ANXA10: variants seen among roughly 807,000 people sequenced by gnomAD.
The protein encoded by ANXA10 is annexin A10.
A neutral mutation model predicts 53.5 loss-of-function variants in ANXA10; 49 were observed. The ratio of observed to expected loss-of-function variants is 0.92; its 90% CI spans 0.73 to 1.16. The LOEUF (loss-of-function observed/expected upper bound fraction) is 1.16. ANXA10 is among the 50% of genes most tolerant of loss of function. The pLI, the probability that ANXA10 is intolerant of heterozygous loss-of-function variation, is 0.00. For synonymous variants in ANXA10, 131 were observed against 128.9 expected, an observed-to-expected ratio of 1.02 and a Z score of -0.11; for missense variants, 393 against 394.4, an observed-to-expected ratio of 1.00 and a Z score of 0.03.
intron 3 of ANXA10, among the ~76,000 whole-genome samples, chr4:168,161,004 T>A (rs1731774125): frequency 6.6e-6 from 1 of 152,194 alleles, no homozygotes; most frequent in African/African-American, 2.4e-5. Flanking sequence ...TCCCATTCTA[T>A]AGGCTGTCTG....
At chr4:168,157,519 C>A (rs974352618) in intron 3 of ANXA10, among the ~76,000 whole-genome samples, 1 of 152,166 alleles carries the variant, frequency 6.6e-6, no homozygotes, top group South Asian at 2.1e-4. Flanking sequence ...CTGTCTCAGC[C>A]TCCCAAAGTC....
At chr4:168,137,363 A>G (rs1314585736) in intron 2 of ANXA10, among the ~76,000 whole-genome samples, 1 of 152,244 alleles carries the variant, frequency 6.6e-6, no homozygotes, top group East Asian at 1.9e-4. Flanking sequence ...CTGTGCTTTT[A>G]GTGTACCCAT....
At chr4:168,095,788 T>C (rs72691155) in intron 1 of ANXA10, among the ~76,000 whole-genome samples, 34,353 of 152,040 alleles carry the variant, frequency 0.23, 4,121 homozygotes, top group East Asian at 0.35. Context: ...AGGTGACAGA[T>C]ACAGAGGATT....
intron 1 of ANXA10, among the ~76,000 whole-genome samples, chr4:168,093,015 T>C (rs1730484324): frequency 6.6e-6 from 1 of 152,150 alleles, no homozygotes; most frequent in African/African-American, 2.4e-5. Flanking sequence ...GATTTGAGCA[T>C]ACCTAAGAAT....
At chr4:168,106,834 T>C (rs1579201763) in intron 1 of ANXA10, among the ~76,000 whole-genome samples, 2 of 152,312 alleles carry the variant, frequency 1.3e-5, no homozygotes, top group East Asian at 3.9e-4. Flanking sequence ...TTTGCTCCAG[T>C]TTGTCACTTA....
At chr4:168,099,516 C>G (rs1270198398) in intron 1 of ANXA10, among the ~76,000 whole-genome samples, 1 of 151,988 alleles carries the variant, frequency 6.6e-6, no homozygotes, top group East Asian at 1.9e-4. Context: ...ATTCATGAAC[C>G]CTCAGTGAAA....
At chr4:168,180,007 G>A (rs574336) in intron 9 of ANXA10, among the ~76,000 whole-genome samples, 4 of 151,938 alleles carry the variant, frequency 2.6e-5, no homozygotes, top group African/African-American at 7.3e-5. Context: ...CATCGAAGGC[G>A]TAGTCAAGTA....
rs1287930774 is a variant in ANXA10 at position 168,156,118 on chromosome 4, T to TA, written c.196-6410_196-6409insA. Among the ~76,000 whole-genome samples the TA allele has an allele frequency of 5.8e-3, 248 of 42,594 alleles. 2 individuals are homozygous for TA. The highest frequency in any genetic ancestry group is 0.025 in the African/African-American group (212 of 8,552). 27.9% of individuals were successfully genotyped at this position (42,594 alleles called of 152,430 possible). A position where few individuals can be genotyped will look rare whatever the true frequency, so the allele number is the denominator to read the frequency against. On this transcript the variant is annotated intron_variant, in intron 3 of 11. Transcript: ENST00000359299. ...TATTATATATAAATATTATATTTAT[T>TA]TATATTTATATATATTATATATAAA...
At chr4:168,092,862 C>T (rs996323238) in intron 1 of ANXA10, 144 bp downstream of exon 1, 26 of 618,668 alleles carry the variant, frequency 4.2e-5, no homozygotes, top group Non-Finnish European at 5.8e-5. Context: ...TATTTTATGC[C>T]CATTTTTTGA....
chr4:168,148,988 T>C (rs1731450862), intron 3 of ANXA10, among the ~76,000 whole-genome samples: 1 of 152,176 alleles, frequency 6.6e-6, no homozygotes. Flanking sequence ...CTGGCCCTTA[T>C]CGACACTTCT....
At position 168,155,740 on chromosome 4, in the gene ANXA10, CATATA is replaced by C. The variant is rs1262843734; in HGVS notation, c.196-6787_196-6783del. Reference sequence around the variant, plus strand: ...TTATATAATATAATATATGATATATCATATATTATATATTATATAATATATGATAT... The same window carrying C: ...TTATATAATATAATATATGATATATCTTATATATTATATAATATATGATAT... On this transcript the variant is annotated intron_variant, in intron 3 of 11. Transcript: ENST00000359299. 1.3e-4 allele frequency among the ~76,000 whole-genome samples: 4 copies of C among 30,508 alleles called. 1 individual carries two copies. The highest frequency in any genetic ancestry group is 1.6e-4 in the Non-Finnish European group (3 of 18,536). 20.0% of individuals were successfully genotyped at this position (30,508 alleles called of 152,430 possible).
intron 1 of ANXA10, among the ~76,000 whole-genome samples, chr4:168,113,862 T>A (rs1377424373): frequency 6.6e-6 from 1 of 152,228 alleles, no homozygotes; most frequent in African/African-American, 2.4e-5. Flanking sequence ...TTTATTCAGC[T>A]TTCATTTGGT....
At chr4:168,165,443 T>C (rs1044115527) in intron 6 of ANXA10, 117 bp downstream of exon 6, 6 of 467,206 alleles carry the variant, frequency 1.3e-5, no homozygotes, top group Admixed American at 8.4e-5. Context: ...AGTTCAATAG[T>C]AAATTCTGTG....
At chr4:168,141,863 C>T (rs577314085) in intron 3 of ANXA10, among the ~76,000 whole-genome samples, 1 of 152,084 alleles carries the variant, frequency 6.6e-6, no homozygotes, top group Admixed American at 6.6e-5. Flanking sequence ...TAAGCCCTTG[C>T]CTTTTCCCTG....
intron 6 of ANXA10, among the ~76,000 whole-genome samples, chr4:168,175,983 T>C (rs868035422): frequency 6.7e-6 from 1 of 149,534 alleles, no homozygotes; most frequent in African/African-American, 2.5e-5. Context: ...CTTTGAATAG[T>C]GAATGTGGGT....
chr4:168,109,228 A>G (rs1730763656), intron 1 of ANXA10, among the ~76,000 whole-genome samples: 1 of 152,202 alleles, frequency 6.6e-6, no homozygotes, highest in African/African-American at 2.4e-5. Context: ...AGATCAATGT[A>G]TGTTTGGTGC....
At position 168,181,717 on chromosome 4, in the gene ANXA10, T is replaced by G; in HGVS notation, c.759T>G (p.Ala253=). ...TTCGAGACAAACCAGCCTATTTTGC[T>G]TATAGATTATATAGTGCAATTCATG... ...LCVRDKPAYF[A]YRLYSAIHDF... is the part of the protein sequence containing the mutation. Residue 253 remains alanine, a synonymous_variant, in exon 10 of 12, where the codon GCT becomes GCG. Coordinates refer to ENST00000359299, the MANE Select transcript of ANXA10 (RefSeq NM_007193.5). 1 of 1,601,944 alleles carries G rather than the reference T, an allele frequency of 6.2e-7. No homozygotes were observed. Among genetic ancestry groups the G allele is most frequent in the Non-Finnish European group, 8.5e-7 (1 of 1,171,286 alleles).
chr4:168,115,497 GCACACA>G (rs67627035), intron 1 of ANXA10, among the ~76,000 whole-genome samples: 12,588 of 136,396 alleles, frequency 0.092, 701 homozygotes, highest in Admixed American at 0.15. Context: ...CAATACACAC[GCACACA>G]CACACACACA....
chr4:168,127,790 C>G, intron 1 of ANXA10: 1 of 408,858 alleles, frequency 2.4e-6, no homozygotes, highest in Non-Finnish European at 4.3e-6. Context: ...CTTTCATTTT[C>G]ATTTGTCTGG....
Sources: gnomAD v4.1 joint callset for allele counts (sites outside exome capture counted in the v4.1 genomes callset) on GRCh38, gnomAD v4.1.1 for gene constraint, MANE v1.5 for transcripts, NCBI Gene and HGNC (gene_info 2026-07-23, HGNC 2026-07-21) for gene names.